The following STARD13 variants were observed in gnomAD, a reference collection of about 807,000 sequenced individuals.
STARD13 encodes the protein stAR-related lipid transfer protein 13.
In STARD13, 62 loss-of-function variants were observed where a neutral mutation model predicts 106.4. The observed-to-expected ratio is 0.58, with a 90% CI of 0.48 to 0.72. The LOEUF is 0.72. Among genes scored for constraint, STARD13 ranks in the 30% least tolerant of loss-of-function variants. The pLI, the probability that STARD13 is intolerant of heterozygous loss-of-function variation, is 0.00. For missense variants in STARD13, 1,387 were observed against 1,424.0 expected, an observed-to-expected ratio of 0.97 and a Z score of 0.42; for synonymous variants, 565 against 553.0, an observed-to-expected ratio of 1.02 and a Z score of -0.31.
intron 1 of STARD13, among the ~76,000 whole-genome samples, chr13:33,332,064 T>C (rs531661193): frequency 6.6e-6 from 1 of 152,246 alleles, no homozygotes; most frequent in South Asian, 2.1e-4. Flanking sequence ...CAGCAAATCA[T>C]ACCCCAAAGC....
the STARD13 span, among the ~76,000 whole-genome samples, chr13:33,667,687 C>A: frequency 6.6e-6 from 1 of 152,238 alleles, no homozygotes; most frequent in East Asian, 1.9e-4. Flanking sequence ...AAATGCATCT[C>A]AATTTCAGAG....
chr13:33,200,540 G>A (rs960793639), intron 1 of STARD13, among the ~76,000 whole-genome samples: 1 of 152,196 alleles, frequency 6.6e-6, no homozygotes, highest in South Asian at 2.1e-4. Context: ...TGCTGCCACC[G>A]ACATTGCATG....
chr13:33,338,326 C>T (rs7337913), intron 1 of STARD13, among the ~76,000 whole-genome samples: 26,506 of 152,002 alleles, frequency 0.17, 2,486 homozygotes, highest in African/African-American at 0.24. Flanking sequence ...TTAAATGGGA[C>T]CTTAGAGATT....
chr13:33,312,495 A>C (rs1353809167), intron 1 of STARD13, among the ~76,000 whole-genome samples: 2 of 152,020 alleles, frequency 1.3e-5, no homozygotes, highest in Non-Finnish European at 2.9e-5. Context: ...ATTTTGCGTG[A>C]CTCTACATTT....
chr13:33,592,581 A>G, the STARD13 span, among the ~76,000 whole-genome samples: 3 of 152,170 alleles, frequency 2.0e-5, no homozygotes, highest in Non-Finnish European at 4.4e-5. Flanking sequence ...ACAATGAGGA[A>G]TGAGATATAA....
At chr13:33,389,509 T>C in the STARD13 span, among the ~76,000 whole-genome samples, 1 of 152,148 alleles carries the variant, frequency 6.6e-6, no homozygotes, top group Non-Finnish European at 1.5e-5. Flanking sequence ...CTCCATCATC[T>C]ACCATTTTCA....
At chr13:33,509,682 C>A in the STARD13 span, among the ~76,000 whole-genome samples, 2 of 152,118 alleles carry the variant, frequency 1.3e-5, no homozygotes, top group Non-Finnish European at 2.9e-5. Context: ...GGCTTTGTTA[C>A]CACTGTAGGG....
At chr13:33,542,565 C>T in the STARD13 span, among the ~76,000 whole-genome samples, 1 of 152,262 alleles carries the variant, frequency 6.6e-6, no homozygotes, top group Non-Finnish European at 1.5e-5. Flanking sequence ...CCCCGCCCCT[C>T]GCCCTCCCAC....
At chr13:33,310,656 T>C (rs1448433879) in intron 1 of STARD13, among the ~76,000 whole-genome samples, 1 of 152,130 alleles carries the variant, frequency 6.6e-6, no homozygotes, top group South Asian at 2.1e-4. Context: ...AATATATATA[T>C]TGAATTTTAA....
intron 1 of STARD13, among the ~76,000 whole-genome samples, chr13:33,255,933 A>G (rs963299491): frequency 1.3e-5 from 2 of 152,212 alleles, no homozygotes; most frequent in Non-Finnish European, 2.9e-5. Flanking sequence ...CTTCATAAGC[A>G]CTAAAGAAAG....
chr13:33,453,478 G>A, the STARD13 span, among the ~76,000 whole-genome samples: 14 of 152,302 alleles, frequency 9.2e-5, no homozygotes, highest in South Asian at 2.1e-3. Flanking sequence ...TTTCTTTCAA[G>A]TATAGAGAAA....
the STARD13 span, among the ~76,000 whole-genome samples, chr13:33,644,122 A>G: frequency 6.6e-6 from 1 of 152,226 alleles, no homozygotes; most frequent in Admixed American, 6.5e-5. Flanking sequence ...CTTTAAGGAC[A>G]AGAATGGACC....
intron 1 of STARD13, among the ~76,000 whole-genome samples, chr13:33,213,342 CAA>C (rs944188626): frequency 4.6e-5 from 7 of 152,052 alleles, no homozygotes; most frequent in African/African-American, 1.7e-4. Flanking sequence ...ATCTTGTCGG[CAA>C]AGAGTCAACC....
chr13:33,306,669 AC>A (rs1431195668), intron 1 of STARD13, among the ~76,000 whole-genome samples: 1 of 152,018 alleles, frequency 6.6e-6, no homozygotes, highest in Non-Finnish European at 1.5e-5. Context: ...TGAGCAAAGG[AC>A]TGGGCATGGT....
chr13:33,106,343 C>T (rs576283188), intron 13 of STARD13, among the ~76,000 whole-genome samples: 3 of 152,260 alleles, frequency 2.0e-5, no homozygotes, highest in East Asian at 3.9e-4. Context: ...ATCACCTGAG[C>T]CCAGGAGGTG....
At chr13:33,379,957 C>A in the STARD13 span, among the ~76,000 whole-genome samples, 1 of 152,166 alleles carries the variant, frequency 6.6e-6, no homozygotes, top group Non-Finnish European at 1.5e-5. Flanking sequence ...GGTCCCTGCA[C>A]TCAAGGACAA....
the STARD13 span, among the ~76,000 whole-genome samples, chr13:33,560,213 G>T: frequency 1.3e-5 from 2 of 151,476 alleles, no homozygotes; most frequent in African/African-American, 4.9e-5. Flanking sequence ...TTACAAGCAG[G>T]ACATTAAATA....
chr13:33,287,579 T>C (rs1892119206), upstream of STARD13, among the ~76,000 whole-genome samples: 1 of 150,814 alleles, frequency 6.6e-6, no homozygotes, highest in African/African-American at 2.5e-5. Flanking sequence ...ATCTGAGACC[T>C]AAGGAACTGC....
chr13:33,113,453 G>A (rs1874912736), intron 8 of STARD13: 1 of 471,846 alleles, frequency 2.1e-6, no homozygotes, highest in East Asian at 6.2e-5. Flanking sequence ...TGCCAGTGCT[G>A]CACAATTCAC....
Sources: gnomAD v4.1 joint callset for allele counts (sites outside exome capture counted in the v4.1 genomes callset) on GRCh38, gnomAD v4.1.1 for gene constraint, MANE v1.5 for transcripts, NCBI Gene and HGNC (gene_info 2026-07-23, HGNC 2026-07-21) for gene names.